The following GALNT17 variants were observed in gnomAD, a reference collection of about 807,000 sequenced individuals.
GALNT17 encodes the protein UDP-GalNAc:polypeptide N-acetylgalactosaminyltransferase-like 3.
GALNT17 carries 29 observed loss-of-function variants against 63.7 expected under a neutral mutation model. The ratio of observed to expected loss-of-function variants is 0.46; its 90% CI spans 0.34 to 0.62. GALNT17 has a LOEUF of 0.62. Among genes scored for constraint, GALNT17 ranks in the 20% least tolerant of loss-of-function variants. The pLI is 0.01. For synonymous variants in GALNT17, 305 were observed against 318.3 expected (o/e 0.96, Z 0.45); for missense variants, 603 against 799.6 (o/e 0.75, Z 2.97).
At chr7:71,596,808 A>G (rs532225355) in intron 6 of GALNT17, among the ~76,000 whole-genome samples, 4 of 152,104 alleles carry the variant, frequency 2.6e-5, no homozygotes, top group East Asian at 1.9e-4. Flanking sequence ...CTTCCCTGCA[A>G]TAAGGGACCC....
intron 5 of GALNT17, among the ~76,000 whole-genome samples, chr7:71,517,981 G>A (rs2116742707): frequency 6.6e-6 from 1 of 152,304 alleles, no homozygotes; most frequent in Non-Finnish European, 1.5e-5. Flanking sequence ...ATCTCAGAGG[G>A]AGCAGCTCAT....
At chr7:71,182,050 C>T (rs1164574254) in intron 1 of GALNT17, among the ~76,000 whole-genome samples, 1 of 152,160 alleles carries the variant, frequency 6.6e-6, no homozygotes, top group African/African-American at 2.4e-5. Context: ...TGGCGCATGC[C>T]TGTAGTCTCA....
chr7:71,431,928 A>G (rs1396517550), intron 5 of GALNT17, among the ~76,000 whole-genome samples: 3 of 92,054 alleles, frequency 3.3e-5, no homozygotes, highest in Non-Finnish European at 5.9e-5. Flanking sequence ...TAATCCCAGC[A>G]CTTTGGGAGG....
At chr7:71,699,067 G>A (rs1485622163) in intron 9 of GALNT17, among the ~76,000 whole-genome samples, 4 of 151,004 alleles carry the variant, frequency 2.6e-5, no homozygotes, top group Non-Finnish European at 5.9e-5. Context: ...ACCTACTCGG[G>A]AGGCTGAGGC....
At chr7:71,629,112 G>A (rs1327943584) in intron 6 of GALNT17, among the ~76,000 whole-genome samples, 1 of 152,038 alleles carries the variant, frequency 6.6e-6, no homozygotes. Context: ...TGGAGAAGAA[G>A]GAAAGATTGT....
chr7:71,171,286 G>A (rs997670272), intron 1 of GALNT17, among the ~76,000 whole-genome samples: 8 of 152,196 alleles, frequency 5.3e-5, no homozygotes, highest in Non-Finnish European at 1.0e-4. Flanking sequence ...AGGCCAAGGC[G>A]AGGGAATTGC....
At chr7:71,551,989 G>A (rs192317324) in intron 5 of GALNT17, among the ~76,000 whole-genome samples, 30 of 150,494 alleles carry the variant, frequency 2.0e-4, no homozygotes, top group Non-Finnish European at 4.3e-4. Context: ...AGAGAGGCCA[G>A]GTTGACTTTC....
At chr7:71,151,925 T>G (rs1308015309) in intron 1 of GALNT17, among the ~76,000 whole-genome samples, 3 of 152,206 alleles carry the variant, frequency 2.0e-5, no homozygotes, top group Admixed American at 1.3e-4. Flanking sequence ...CCACCGAATT[T>G]TAAATCATGC....
In GALNT17 at chr7:71,479,803, ATGGGTCCACTT is replaced by A. The variant is rs577726914; in HGVS notation, c.962+58703_962+58713del. On this transcript the variant is annotated intron_variant, in intron 5 of 10. Transcript: ENST00000333538. ...AAGATGGAGCTGATATTCTCAGGCAATGGGTCCACTTTGGGGCCACTCCAGCTGTTTTTCTA... is the reference window on the plus strand; with the variant it reads ...AAGATGGAGCTGATATTCTCAGGCAATGGGGCCACTCCAGCTGTTTTTCTA... 4.6e-3 allele frequency among the ~76,000 whole-genome samples: 703 copies of A among 152,270 alleles called. 4 individuals are homozygous for A. The highest frequency in any genetic ancestry group is 7.9e-3 in the Non-Finnish European group (537 of 68,020).
At chr7:71,674,421 C>G (rs1791117438) in intron 8 of GALNT17, among the ~76,000 whole-genome samples, 1 of 151,872 alleles carries the variant, frequency 6.6e-6, no homozygotes, top group South Asian at 2.1e-4. Flanking sequence ...TCATGACATA[C>G]TATAGCCAAG....
chr7:71,670,041 T>A lies in GALNT17; in HGVS notation c.1336T>A (p.Phe446Ile), dbSNP rs1791045188. 1 of 1,614,040 alleles carries A rather than the reference T, an allele frequency of 6.2e-7. No homozygotes were observed. ...ALRKSLKCKN[F>I]QWYLDHVYPE... Reference sequence around the variant, plus strand: ...AAGGAAAAGTTTAAAGTGTAAGAATTTCCAGTGGTACCTGGACCATGTTTA... The same window carrying A: ...AAGGAAAAGTTTAAAGTGTAAGAATATCCAGTGGTACCTGGACCATGTTTA... The change falls in exon 8 of 11, where the codon TTC becomes ATC. Residue 446 changes from phenylalanine to isoleucine, a missense_variant. This residue lies in a region of GALNT17 where 336 missense variants were observed against 507.8 expected (regional missense o/e 0.66). Coordinates refer to ENST00000333538, the MANE Select transcript of GALNT17 (RefSeq NM_022479.3).
intron 5 of GALNT17, among the ~76,000 whole-genome samples, chr7:71,523,347 T>G (rs1352745803): frequency 6.6e-6 from 1 of 152,032 alleles, no homozygotes; most frequent in Non-Finnish European, 1.5e-5. Context: ...GAGAATTGCT[T>G]GAGCCCAGGA....
intron 5 of GALNT17, among the ~76,000 whole-genome samples, chr7:71,545,326 G>A (rs749403053): frequency 1.6e-4 from 24 of 151,774 alleles, no homozygotes; most frequent in Admixed American, 2.6e-4. Flanking sequence ...GTTTTTACTC[G>A]TTTTGTTGTT....
chr7:71,557,520 G>T (rs1219612162), intron 5 of GALNT17, among the ~76,000 whole-genome samples: 1 of 152,212 alleles, frequency 6.6e-6, no homozygotes, highest in African/African-American at 2.4e-5. Context: ...CTAGCTGGGT[G>T]CAGTGGCTCA....
chr7:71,132,681 G>A lies in GALNT17; in HGVS notation c.-122G>A, dbSNP rs1467724122. The A allele has an allele frequency of 3.8e-6, 3 of 784,936 alleles. No individual in the cohort carries two copies. The East Asian group carries it at 8.6e-5, about 22-fold the overall frequency. The allele number at this position is 784,936 out of a possible 1,614,324, so 48.6% of individuals were successfully genotyped here. On this transcript the variant is annotated 5_prime_UTR_variant, in exon 1 of 11. Transcript: ENST00000333538. ...CCCGAGCATCCTTGAGGTGGGACGA[G>A]CAGGGGCTTGGATCCCTGCCGGCCG...
chr7:71,360,655 G>T (rs1421968071), intron 2 of GALNT17, among the ~76,000 whole-genome samples: 1 of 152,158 alleles, frequency 6.6e-6, no homozygotes, highest in East Asian at 1.9e-4. Context: ...GATAGCCAGC[G>T]GGTGCAGTGG....
At position 71,185,195 on chromosome 7, in the gene GALNT17, CTCTG is replaced by C. The variant is rs751342703; in HGVS notation, c.238+52167_238+52170del. 1.3e-4 allele frequency among the ~76,000 whole-genome samples: 18 copies of C among 141,812 alleles called. No individual in the cohort carries two copies. The East Asian group carries it at 3.5e-3, about 27-fold the overall frequency. The allele number at this position is 141,812 out of a possible 152,430, so 93.0% of individuals were successfully genotyped here. A position where few individuals can be genotyped will look rare whatever the true frequency, so the allele number is the denominator to read the frequency against. On this transcript the variant is annotated intron_variant, in intron 1 of 10. Transcript: ENST00000333538. ...TCCCCTCCTTCCTCTCTCTGTCTCTCTCTGTCTGTCTGTCTCTCTCTCTTTCTTC... is the reference window on the plus strand; with the variant it reads ...TCCCCTCCTTCCTCTCTCTGTCTCTCTCTGTCTGTCTCTCTCTCTTTCTTC...
intron 6 of GALNT17, among the ~76,000 whole-genome samples, chr7:71,603,049 T>C (rs1789989351): frequency 6.6e-6 from 1 of 152,146 alleles, no homozygotes; most frequent in African/African-American, 2.4e-5. Context: ...CTATGCTAAG[T>C]GCATACACTG....
At position 71,422,883 on chromosome 7, in the gene GALNT17, A is replaced by G. The variant is rs914074967; in HGVS notation, c.962+1778A>G. On this transcript the variant is annotated intron_variant, in intron 5 of 10. Transcript: ENST00000333538. ...TCCTGAGTGGTGGAGGTAGCTCTCA[A>G]TGAGATGGATGGGGAGCAGGAAGGG... Among the ~76,000 whole-genome samples, 30 of 152,118 alleles carry G rather than the reference A, an allele frequency of 2.0e-4. 1 individual carries two copies. The highest frequency in any genetic ancestry group is 1.3e-4 in the Admixed American group (2 of 15,268).
Sources: gnomAD v4.1 joint callset for allele counts (sites outside exome capture counted in the v4.1 genomes callset) on GRCh38, gnomAD v4.1.1 for gene constraint, gnomAD v4.1.1 regional missense constraint, MANE v1.5 for transcripts, NCBI Gene and HGNC (gene_info 2026-07-23, HGNC 2026-07-21) for gene names.